The following NRG1 variants were observed in gnomAD, a reference collection of about 807,000 sequenced individuals.
The protein encoded by NRG1 is pro-neuregulin-1, membrane-bound isoform.
A neutral mutation model predicts 63.8 loss-of-function variants in NRG1; 18 were observed. That is an observed-to-expected ratio of 0.28 (90% confidence interval 0.19 to 0.42). NRG1 has a LOEUF of 0.42. Ranked by LOEUF, NRG1 falls within the 10% of genes least tolerant of loss-of-function variation. The pLI, the probability that NRG1 is intolerant of heterozygous loss-of-function variation, is 1.00. For synonymous variants in NRG1, 302 were observed against 301.3 expected, an observed-to-expected ratio of 1.00 and a Z score of -0.02; for missense variants, 762 against 814.7, an observed-to-expected ratio of 0.94 and a Z score of 0.79.
At chr8:32,573,600 T>G (rs1397095267) in intron 1 of NRG1, among the ~76,000 whole-genome samples, 1 of 152,178 alleles carries the variant, frequency 6.6e-6, no homozygotes, top group Non-Finnish European at 1.5e-5. Context: ...TTAGGATTTC[T>G]TAGAACTATG....
At chr8:32,283,293 G>A (rs925934872) in intron 1 of NRG1, among the ~76,000 whole-genome samples, 1 of 152,042 alleles carries the variant, frequency 6.6e-6, no homozygotes, top group African/African-American at 2.4e-5. Context: ...ACCTTTAGGA[G>A]ACAAGTTTCT....
At chr8:32,236,286 A>G (rs779938853) in intron 1 of NRG1, among the ~76,000 whole-genome samples, 1 of 152,118 alleles carries the variant, frequency 6.6e-6, no homozygotes, top group African/African-American at 2.4e-5. Flanking sequence ...CTGGGGGGGA[A>G]AATCAAATTA....
At chr8:31,927,398 A>T (rs1403068873) in intron 1 of NRG1, among the ~76,000 whole-genome samples, 1 of 145,292 alleles carries the variant, frequency 6.9e-6, no homozygotes, top group East Asian at 2.1e-4. Flanking sequence ...CTTTTCAATG[A>T]TTACATTTTA....
rs1183201341 is a variant in NRG1, at chr8:32,174,651, TCAC to T, written c.38-421172_38-421170del. Among the ~76,000 whole-genome samples the T allele has an allele frequency of 2.6e-5, 4 of 152,030 alleles. No individual in the cohort carries two copies. The East Asian group carries it at 7.7e-4, about 29-fold the overall frequency. On this transcript the variant is annotated intron_variant, in intron 1 of 10. Transcript: ENST00000519301. ...GCAATAAAAAATGATAAAGGGTATA[TCAC>T]CACCGATCCCACAGAAATACAAACT...
At chr8:32,030,707 A>C (rs933768223) in intron 1 of NRG1, among the ~76,000 whole-genome samples, 1 of 152,112 alleles carries the variant, frequency 6.6e-6, no homozygotes, top group African/African-American at 2.4e-5. Context: ...CTGTGGCTCA[A>C]ACAAATGAGA....
intron 1 of NRG1, among the ~76,000 whole-genome samples, chr8:32,260,185 G>A (rs1850209715): frequency 6.6e-6 from 1 of 152,150 alleles, no homozygotes; most frequent in South Asian, 2.1e-4. Context: ...TCCTCACCAT[G>A]CTGGTTTTAG....
chr8:32,046,475 G>A (rs1225545019), intron 1 of NRG1, among the ~76,000 whole-genome samples: 3 of 151,990 alleles, frequency 2.0e-5, no homozygotes, highest in Non-Finnish European at 1.5e-5. Context: ...TTAAATTTAT[G>A]TTCACAAAAA....
rs961171879 is a variant in NRG1 at position 32,593,634 on chromosome 8, A to G, written c.101-2194A>G. ...ATGCCACTGCACTCCAGCCTGTGCA[A>G]CCGAGCAAGATCCTGTCTAAATAAA... On this transcript the variant is annotated intron_variant, in intron 1 of 11. Transcript: ENST00000356819. 1.1e-4 allele frequency among the ~76,000 whole-genome samples: 17 copies of G among 151,916 alleles called. No individual in the cohort carries two copies. In the East Asian group the frequency reaches 2.7e-3, roughly 24 times the overall value.
intron 1 of NRG1, among the ~76,000 whole-genome samples, chr8:31,797,510 T>C (rs1503499): frequency 0.23 from 35,434 of 152,104 alleles, 4,335 homozygotes; most frequent in Admixed American, 0.26. Flanking sequence ...AGCCTGTTGA[T>C]GGGAATGTAA....
intron 5 of NRG1, among the ~76,000 whole-genome samples, chr8:32,655,089 C>T (rs534028402): frequency 6.6e-6 from 1 of 152,262 alleles, no homozygotes; most frequent in African/African-American, 2.4e-5. Context: ...ACTCCAAGTC[C>T]TAGGCCTGAG....
At chr8:31,697,641 C>A (rs969379592) in intron 1 of NRG1, among the ~76,000 whole-genome samples, 1 of 152,066 alleles carries the variant, frequency 6.6e-6, no homozygotes, top group African/African-American at 2.4e-5. Flanking sequence ...TTTTGGAGGG[C>A]CCTCCTTTTG....
At chr8:31,815,325 T>C (rs1034177151) in intron 1 of NRG1, among the ~76,000 whole-genome samples, 2 of 152,188 alleles carry the variant, frequency 1.3e-5, no homozygotes, top group Non-Finnish European at 2.9e-5. Context: ...GTACTTCATA[T>C]AAGCGGTATC....
At chr8:31,700,331 G>C (rs1012775537) in intron 1 of NRG1, among the ~76,000 whole-genome samples, 1 of 152,128 alleles carries the variant, frequency 6.6e-6, no homozygotes, top group African/African-American at 2.4e-5. Flanking sequence ...AATAAGTAAG[G>C]AAGGATGCTT....
At chr8:32,538,787 G>A (rs182744679) in intron 1 of NRG1, among the ~76,000 whole-genome samples, 1 of 152,264 alleles carries the variant, frequency 6.6e-6, no homozygotes, top group Admixed American at 6.5e-5. Context: ...TACATACGGT[G>A]GTTGTGTACT....
intron 1 of NRG1, among the ~76,000 whole-genome samples, chr8:32,512,499 G>T (rs1829333549): frequency 1.3e-5 from 2 of 152,166 alleles, no homozygotes; most frequent in South Asian, 2.1e-4. Context: ...ATCATAGCTA[G>T]CATTGATTGA....
rs184947463 is a variant in NRG1 at position 32,574,723 on chromosome 8, A to C, written c.101-21105A>C. On this transcript the variant is annotated intron_variant, in intron 1 of 11. Transcript: ENST00000356819. The stretch of plus-strand genomic sequence containing the variant: ...CAGAAGCCTGGCAGATGCCAGCATC[A>C]GGCTTCTTGTAAAGCCTGTAGAACT... Among the ~76,000 whole-genome samples, 848 of 152,358 alleles carry C rather than the reference A, an allele frequency of 5.6e-3. 3 individuals are homozygous for C. The highest frequency in any genetic ancestry group is 0.027 in the Middle Eastern group (8 of 294).
chr8:32,362,490 A>G (rs1315985065), intron 1 of NRG1, among the ~76,000 whole-genome samples: 2 of 152,190 alleles, frequency 1.3e-5, no homozygotes, highest in Non-Finnish European at 2.9e-5. Context: ...TTATGGAATT[A>G]CTATTTTATT....
At chr8:32,060,219 T>G (rs1344792106) in intron 1 of NRG1, among the ~76,000 whole-genome samples, 1 of 151,968 alleles carries the variant, frequency 6.6e-6, no homozygotes, top group Admixed American at 6.6e-5. Flanking sequence ...TCTCCTAATA[T>G]ATTTATTATT....
rs1335460925 is a variant in NRG1, at chr8:32,756,547, A to G, written c.921+18A>G. On this transcript the variant is annotated intron_variant, in intron 9 of 11. Transcript: ENST00000356819. ...TGGTGAATGTACGTTGACTCTGGCC[A>G]GTGGAAAAAACTGAGCCTCTCTCCT... 3.1e-6 allele frequency: 5 copies of G among 1,595,908 alleles called. No homozygotes were observed. The highest frequency in any genetic ancestry group is 4.3e-6 in the Non-Finnish European group (5 of 1,172,924).
Sources: allele counts gnomAD v4.1 joint callset (sites outside exome capture counted in the v4.1 genomes callset), GRCh38; gene constraint gnomAD v4.1.1; transcripts MANE v1.5; gene names NCBI Gene and HGNC (gene_info 2026-07-23, HGNC 2026-07-21).